The following FAM53A variants were observed in gnomAD, a reference collection of about 807,000 sequenced individuals.
FAM53A encodes protein FAM53A.
A neutral mutation model predicts 26.6 loss-of-function variants in FAM53A; 28 were observed. The ratio of observed to expected loss-of-function variants is 1.05; its 90% CI spans 0.78 to 1.45. The LOEUF is 1.45. Among genes scored for constraint, FAM53A ranks in the 40% most tolerant of loss-of-function variants. The pLI, the probability that FAM53A is intolerant of heterozygous loss-of-function variation, is 0.00. For synonymous variants in FAM53A, 290 were observed against 253.1 expected, an observed-to-expected ratio of 1.15 and a Z score of -1.38; for missense variants, 650 against 575.8, an observed-to-expected ratio of 1.13 and a Z score of -1.32.
In FAM53A at chr4:1,655,152, C is replaced by G; in HGVS notation, c.708G>C (p.Leu236=). ...QERLAGAGTP[L]PWASSSPTST... ...ACGTGGGGCTGCTGCTGGCCCAGGG[C>G]AGGGGAGTGCCCGCACCCGCGAGTC... is the stretch of plus-strand genomic sequence containing the variant. The change falls in exon 4 of 5, where the codon CTG becomes CTC. Residue 236 remains leucine, a synonymous_variant. Transcript: ENST00000308132. The G allele has an allele frequency of 6.3e-7, 1 of 1,581,766 alleles. No homozygotes were observed. The highest frequency in any genetic ancestry group is 8.6e-7 in the Non-Finnish European group (1 of 1,167,724).
the FAM53A span, among the ~76,000 whole-genome samples, chr4:1,575,614 C>T: frequency 6.6e-6 from 1 of 152,054 alleles, no homozygotes; most frequent in African/African-American, 2.4e-5. Flanking sequence ...CAGGTGGCGG[C>T]TGTCCAGCAG....
At position 1,640,403 on chromosome 4, in the gene FAM53A, A is replaced by G. The variant is rs555257147; in HGVS notation, c.*890T>C. The G allele has an allele frequency of 3.8e-4, 100 of 264,122 alleles. No individual in the cohort carries two copies. Among genetic ancestry groups the G allele is most frequent in the Non-Finnish European group, 6.4e-4 (89 of 139,018 alleles). 16.4% of individuals were successfully genotyped at this position (264,122 alleles called of 1,614,324 possible). A position where few individuals can be genotyped will look rare whatever the true frequency, so the allele number is the denominator to read the frequency against. On this transcript the variant is annotated 3_prime_UTR_variant, in exon 5 of 5. Transcript: ENST00000308132. ...CAACGCCCGGGGTTTCCTAGCAACTAAAGCACACAAGGCGCCCTGCACAGC... is the reference window on the plus strand; with the variant it reads ...CAACGCCCGGGGTTTCCTAGCAACTGAAGCACACAAGGCGCCCTGCACAGC...
chr4:1,631,628 G>C (rs1010782390), intron 1 of FAM53A, among the ~76,000 whole-genome samples: 1 of 152,124 alleles, frequency 6.6e-6, no homozygotes, highest in Non-Finnish European at 1.5e-5. Flanking sequence ...CCCAGAGAAA[G>C]AGAGTGGGGA....
chr4:1,609,760 C>G, the FAM53A span, among the ~76,000 whole-genome samples: 1 of 151,902 alleles, frequency 6.6e-6, no homozygotes, highest in African/African-American at 2.4e-5. Context: ...GTCAGGAGTT[C>G]AAGACCAGCC....
At chr4:1,581,498 C>A in the FAM53A span, among the ~76,000 whole-genome samples, 3 of 152,244 alleles carry the variant, frequency 2.0e-5, no homozygotes, top group South Asian at 2.1e-4. Context: ...CCTGAATTTT[C>A]TCTTCCTCGT....
the FAM53A span, among the ~76,000 whole-genome samples, chr4:1,608,641 G>A: frequency 2.8e-4 from 42 of 152,158 alleles, no homozygotes; most frequent in African/African-American, 8.2e-4. Flanking sequence ...TCCTGCAGCC[G>A]CTACACACAC....
chr4:1,634,878 C>A, intron 1 of FAM53A, among the ~76,000 whole-genome samples: 1 of 149,092 alleles, frequency 6.7e-6, no homozygotes, highest in African/African-American at 2.5e-5. Context: ...CCAGCCTGGG[C>A]AACAAGAGAG....
chr4:1,585,330 TG>T, the FAM53A span, among the ~76,000 whole-genome samples: 3 of 30 alleles, frequency 0.1, no homozygotes, highest in East Asian at 0.5. Flanking sequence ...TCACTCAGGC[TG>T]GATGGAGTAC....
chr4:1,596,663 C>T, the FAM53A span, among the ~76,000 whole-genome samples: 21 of 152,334 alleles, frequency 1.4e-4, 1 homozygote, highest in African/African-American at 2.4e-4. Context: ...GGTGTCCGCC[C>T]GCCGCGGGCT....
chr4:1,636,967 C>T (rs1456940725), downstream of FAM53A, among the ~76,000 whole-genome samples: 2 of 152,200 alleles, frequency 1.3e-5, no homozygotes, highest in African/African-American at 4.8e-5. Flanking sequence ...GCCCCTCCTC[C>T]CCCCAGGGCA....
intron 4 of FAM53A, among the ~76,000 whole-genome samples, chr4:1,646,626 G>A (rs536093039): frequency 3.3e-5 from 5 of 152,246 alleles, no homozygotes; most frequent in South Asian, 2.1e-4. Context: ...CTGAGGCCGC[G>A]GAAGGCACCA....
At chr4:1,651,580 A>G (rs925001022) in intron 4 of FAM53A, among the ~76,000 whole-genome samples, 26 of 151,656 alleles carry the variant, frequency 1.7e-4, no homozygotes, top group African/African-American at 5.8e-4. Context: ...GCCAACTAGG[A>G]TGATGTCTCA....
chr4:1,647,085 A>G (rs4865454), intron 4 of FAM53A, among the ~76,000 whole-genome samples: 60,413 of 152,012 alleles, frequency 0.4, 13,168 homozygotes, highest in African/African-American at 0.57. Flanking sequence ...CTGTAATCCC[A>G]GCACTTTGGG....
the FAM53A span, among the ~76,000 whole-genome samples, chr4:1,593,651 C>T: frequency 2.0e-5 from 3 of 151,996 alleles, no homozygotes; most frequent in South Asian, 2.1e-4. Context: ...GCGATACTGT[C>T]GACAGCAATA....
chr4:1,650,244 TTGAC>T (rs1413710223), intron 4 of FAM53A, among the ~76,000 whole-genome samples: 13 of 135,388 alleles, frequency 9.6e-5, no homozygotes, highest in Admixed American at 2.9e-4. Flanking sequence ...GGCGTGGCGT[TTGAC>T]TGTGAGGTGG....
chr4:1,598,180 G>A, the FAM53A span, among the ~76,000 whole-genome samples: 672 of 152,402 alleles, frequency 4.4e-3, 6 homozygotes, highest in African/African-American at 0.016. Context: ...TTCTCCGGCT[G>A]TGGGGAGGTA....
At chr4:1,596,289 G>C in the FAM53A span, among the ~76,000 whole-genome samples, 1 of 152,194 alleles carries the variant, frequency 6.6e-6, no homozygotes, top group Non-Finnish European at 1.5e-5. Context: ...ATTCCATGCT[G>C]TCCGGATTTT....
At position 1,678,017 on chromosome 4, in the gene FAM53A, G is replaced by A. The variant is rs980978324; in HGVS notation, c.-165+6216C>T. Among the ~76,000 whole-genome samples the A allele has an allele frequency of 2.6e-5, 4 of 152,254 alleles. No individual in the cohort carries two copies. In the East Asian group the frequency reaches 7.7e-4, roughly 29 times the overall value. On this transcript the variant is annotated intron_variant, in intron 1 of 4. Coordinates refer to ENST00000308132, the MANE Select transcript of FAM53A (RefSeq NM_001174070.3). ...TAGCCCACATGATATTACAGGAGAAGAACAAAGTTGGAGGACTGACACTAT... is the reference window on the plus strand; with the variant it reads ...TAGCCCACATGATATTACAGGAGAAAAACAAAGTTGGAGGACTGACACTAT...
At chr4:1,589,058 G>A in the FAM53A span, among the ~76,000 whole-genome samples, 2 of 152,202 alleles carry the variant, frequency 1.3e-5, no homozygotes, top group Admixed American at 6.5e-5. Flanking sequence ...TCTCGTACTC[G>A]CTTCTATGGG....
Sources: allele counts gnomAD v4.1 joint callset (sites outside exome capture counted in the v4.1 genomes callset), GRCh38; gene constraint gnomAD v4.1.1; transcripts MANE v1.5; gene names NCBI Gene and HGNC (gene_info 2026-07-23, HGNC 2026-07-21).